MON2: variants seen among roughly 807,000 people sequenced by gnomAD.
The protein encoded by MON2 is MON2 regulator of endosome-to-Golgi trafficking.
A neutral mutation model predicts 208.6 loss-of-function variants in MON2; 84 were observed. That is an observed-to-expected ratio of 0.40 (90% CI 0.34 to 0.48). MON2 has a LOEUF of 0.48. Among genes scored for constraint, MON2 ranks in the 20% least tolerant of loss-of-function variants. The pLI is 0.59. For synonymous variants in MON2, 660 were observed against 694.0 expected (o/e 0.95, Z 0.77); for missense variants, 1,611 against 2,015.4 (o/e 0.80, Z 3.84).
At chr12:62,528,421 G>A (rs1011826111) in intron 11 of MON2, among the ~76,000 whole-genome samples, 4 of 152,088 alleles carry the variant, frequency 2.6e-5, no homozygotes, top group African/African-American at 4.8e-5. Context: ...TTCAAAGTTG[G>A]ACTTGTGACA....
chr12:62,492,561 T>C (rs1256548001), intron 2 of MON2, among the ~76,000 whole-genome samples: 9 of 149,062 alleles, frequency 6.0e-5, no homozygotes, highest in East Asian at 2.0e-4. Context: ...TTAGTAGAGA[T>C]GGGGTTTCAC....
intron 23 of MON2, among the ~76,000 whole-genome samples, chr12:62,550,298 G>T (rs1330862769): frequency 6.6e-6 from 1 of 152,184 alleles, no homozygotes; most frequent in Non-Finnish European, 1.5e-5. Flanking sequence ...GGGAGGCTGA[G>T]GTGGGAGGAT....
In MON2 at chr12:62,473,354, G is replaced by A. The variant is rs544488538; in HGVS notation, c.111+6036G>A. Among the ~76,000 whole-genome samples the A allele has an allele frequency of 2.0e-4, 31 of 152,238 alleles. 1 individual carries two copies. The South Asian group carries it at 6.2e-3, about 31-fold the overall frequency. On this transcript the variant is annotated intron_variant, in intron 1 of 34. Coordinates refer to ENST00000393630, the MANE Select transcript of MON2 (RefSeq NM_015026.3). ...TGGTGGAAATGGTATGTGAGTCCATGTGAGTCCATCTCTAACTCCTCTCCC... is the reference window on the plus strand; with the variant it reads ...TGGTGGAAATGGTATGTGAGTCCATATGAGTCCATCTCTAACTCCTCTCCC...
intron 4 of MON2, among the ~76,000 whole-genome samples, 175 bp from the exon 5 acceptor site, chr12:62,498,744 G>A (rs1344233336): frequency 6.6e-6 from 1 of 152,134 alleles, no homozygotes; most frequent in Non-Finnish European, 1.5e-5. Flanking sequence ...ATCTTCTGTG[G>A]CTATATATTT....
At position 62,571,509 on chromosome 12, in the gene MON2, GCTT is replaced by G. The variant is rs1438594620; in HGVS notation, c.4447_4449del (p.Ser1483del). The G allele has an allele frequency of 6.2e-7, 1 of 1,613,994 alleles. No individual in the cohort carries two copies. The highest frequency in any genetic ancestry group is 1.7e-5 in the Admixed American group (1 of 60,010). On this transcript the variant is annotated inframe_deletion, in exon 30 of 35. Coordinates refer to ENST00000393630, the MANE Select transcript of MON2 (RefSeq NM_015026.3). Reference sequence around the variant, plus strand: ...TGGGCTACCTGTTGCCCGGCAGCATGCTTCTTCTGGAAAATTTGACAGTATGTG... The same window carrying G: ...TGGGCTACCTGTTGCCCGGCAGCATGCTTCTGGAAAATTTGACAGTATGTG...
chr12:62,574,017 G>T (rs898805418), intron 30 of MON2, among the ~76,000 whole-genome samples: 1 of 152,020 alleles, frequency 6.6e-6, no homozygotes, highest in Non-Finnish European at 1.5e-5. Flanking sequence ...CAGACTACCT[G>T]GATTCAAATC....
rs527791703 is a variant in MON2, at chr12:62,554,558, G to C, written c.3210+1384G>C. Among the ~76,000 whole-genome samples the C allele has an allele frequency of 3.3e-4, 51 of 152,256 alleles. 1 individual carries two copies. The South Asian group carries it at 3.9e-3, about 12-fold the overall frequency. On this transcript the variant is annotated intron_variant, in intron 24 of 34. Coordinates refer to ENST00000393630, the MANE Select transcript of MON2 (RefSeq NM_015026.3). ...CACCCAGGCTTGAGTGCAGCGGCCT[G>C]ATCGTAGCACACTACAGCCTTGACC...
rs771012869 is a variant in MON2 at position 62,588,094 on chromosome 12, T to C, written c.4928T>C (p.Ile1643Thr). 1.3e-6 allele frequency: 2 copies of C among 1,575,558 alleles called. No individual in the cohort carries two copies. Among genetic ancestry groups the C allele is most frequent in the Middle Eastern group, 1.7e-4 (1 of 5,958 alleles). ...PLPRQQVTEI[I>T]FVLKAVSTLI... ...TTCAGGCAACAAGTAACAGAAATTA[T>C]ATTTGTTTTAAAAGCAGTCAGTACT... The change falls in exon 34 of 35, where the codon ATA becomes ACA. Residue 1643 changes from isoleucine (I) to threonine (T), a missense_variant. By Grantham distance (89) the Ile-to-Thr change is moderately conservative. Coordinates refer to ENST00000393630, the MANE Select transcript of MON2 (RefSeq NM_015026.3).
Position 62,588,584 on chromosome 12 carries a change from G to A in MON2, c.4990+428G>A, listed in dbSNP as rs2075295113. On this transcript the variant is annotated intron_variant, in intron 34 of 34. Transcript: ENST00000393630. ...TCTTTCTCATTTGTTTGCCCTTTCT[G>A]TTGTTCATTCCTGTCCAGTCCATTC... 2.0e-5 allele frequency among the ~76,000 whole-genome samples: 3 copies of A among 152,038 alleles called. No homozygotes were observed. The South Asian group carries it at 6.2e-4, about 32-fold the overall frequency.
chr12:62,548,776 T>G (rs887182020), intron 22 of MON2, among the ~76,000 whole-genome samples: 1 of 152,178 alleles, frequency 6.6e-6, no homozygotes, highest in Non-Finnish European at 1.5e-5. Context: ...GCAATTATAC[T>G]TATCATTTTC....
At chr12:62,497,520 G>C (rs1166033226) in intron 4 of MON2, among the ~76,000 whole-genome samples, 2 of 152,344 alleles carry the variant, frequency 1.3e-5, no homozygotes, top group East Asian at 3.9e-4. Context: ...ACCGTACCAA[G>C]TGTTATGGAG....
intron 2 of MON2, among the ~76,000 whole-genome samples, chr12:62,489,479 G>A (rs1031658027): frequency 2.6e-5 from 4 of 151,652 alleles, no homozygotes; most frequent in Admixed American, 2.6e-4. Flanking sequence ...ATTTTTTCTA[G>A]GCCATTTACC....
intron 10 of MON2, among the ~76,000 whole-genome samples, chr12:62,525,590 G>C (rs1373261782): frequency 1.3e-5 from 2 of 152,036 alleles, no homozygotes; most frequent in Non-Finnish European, 1.5e-5. Context: ...TGGAGTTTGG[G>C]AATCTGTATG....
intron 8 of MON2, among the ~76,000 whole-genome samples, chr12:62,521,289 A>C (rs1052899188): frequency 6.6e-6 from 1 of 152,156 alleles, no homozygotes; most frequent in African/African-American, 2.4e-5. Flanking sequence ...GATTACAGGC[A>C]TAAGCCACCT....
chr12:62,481,395 G>A (rs992700535), intron 1 of MON2, among the ~76,000 whole-genome samples: 2 of 151,824 alleles, frequency 1.3e-5, no homozygotes, highest in African/African-American at 2.4e-5. Context: ...GTGTGGTGGC[G>A]GGTGCCTGTA....
At chr12:62,571,991 G>C (rs1212226175) in intron 30 of MON2, among the ~76,000 whole-genome samples, 1 of 152,204 alleles carries the variant, frequency 6.6e-6, no homozygotes, top group Admixed American at 6.5e-5. Flanking sequence ...GTTTAGATTT[G>C]TCAAAGATTA....
In MON2 at chr12:62,597,951, A is replaced by AT. The variant is rs1247881149; in HGVS notation, c.*5205dup. ...TATGATTTTGGGGGGTGGGGGAGAT[A>AT]TTTGTTTTTTTGAGGCAGACGTTTA... On this transcript the variant is annotated 3_prime_UTR_variant, in exon 35 of 35. Transcript: ENST00000393630. 1 of 151,996 alleles carries AT rather than the reference A, an allele frequency of 6.6e-6. No individual in the cohort carries two copies. The highest frequency in any genetic ancestry group is 1.5e-5 in the Non-Finnish European group (1 of 68,016). The allele number at this position is 151,996 out of a possible 1,614,324, so 9.4% of individuals were successfully genotyped here. A position where few individuals can be genotyped will look rare whatever the true frequency, so the allele number is the denominator to read the frequency against.
At chr12:62,477,067 T>G (rs2069126935) in intron 1 of MON2, among the ~76,000 whole-genome samples, 2 of 152,096 alleles carry the variant, frequency 1.3e-5, no homozygotes, top group South Asian at 4.1e-4. Flanking sequence ...GGAGGATTGG[T>G]TGAGCCCAGG....
chr12:62,530,594 T>G (rs1208214382), intron 11 of MON2, among the ~76,000 whole-genome samples: 4 of 152,206 alleles, frequency 2.6e-5, no homozygotes, highest in Admixed American at 2.6e-4. Flanking sequence ...CCTTTATATG[T>G]CTGAATGATA....
Sources: gnomAD v4.1 joint callset for allele counts (sites outside exome capture counted in the v4.1 genomes callset) on GRCh38, gnomAD v4.1.1 for gene constraint, MANE v1.5 for transcripts, NCBI Gene and HGNC (gene_info 2026-07-23, HGNC 2026-07-21) for gene names.